The following PLXDC2 variants were observed in gnomAD, a reference collection of about 807,000 sequenced individuals.
PLXDC2 encodes plexin domain containing 2.
Under a neutral mutation model 68.9 loss-of-function variants are expected in PLXDC2, and 40 were observed. The observed-to-expected ratio is 0.58, with a 90% CI of 0.45 to 0.76. PLXDC2 has a LOEUF of 0.76. Ranked by LOEUF, PLXDC2 falls within the 30% of genes least tolerant of loss-of-function variation. The probability of loss-of-function intolerance (pLI) is 0.00; values close to 1 mark genes in which losing one functional copy is unlikely to be tolerated. For synonymous variants in PLXDC2, 243 were observed against 234.2 expected, an observed-to-expected ratio of 1.04 and a Z score of -0.34; for missense variants, 644 against 661.9, an observed-to-expected ratio of 0.97 and a Z score of 0.30.
chr10:19,982,800 A>G (rs1834574791), intron 1 of PLXDC2, among the ~76,000 whole-genome samples: 1 of 152,168 alleles, frequency 6.6e-6, no homozygotes, highest in Non-Finnish European at 1.5e-5. Flanking sequence ...GAAATAAACT[A>G]AATAACCTTC....
At chr10:20,130,580 C>T (rs1022670541) in intron 4 of PLXDC2, among the ~76,000 whole-genome samples, 4 of 151,952 alleles carry the variant, frequency 2.6e-5, no homozygotes, top group Middle Eastern at 3.4e-3. Context: ...TTACTAATCC[C>T]GAGAAGCTTT....
intron 1 of PLXDC2, among the ~76,000 whole-genome samples, chr10:20,000,044 C>T (rs187233453): frequency 2.0e-5 from 3 of 152,124 alleles, no homozygotes; most frequent in Non-Finnish European, 2.9e-5. Context: ...TTGCCTGGTC[C>T]GATGATGCTT....
At chr10:20,020,086 A>C (rs181185305) in intron 2 of PLXDC2, among the ~76,000 whole-genome samples, 1 of 149,858 alleles carries the variant, frequency 6.7e-6, no homozygotes, top group Non-Finnish European at 1.5e-5. Context: ...GTCAGAGCTC[A>C]CTAGAGCCTT....
At chr10:20,065,261 C>A (rs1052969154) in intron 3 of PLXDC2, among the ~76,000 whole-genome samples, 1 of 152,134 alleles carries the variant, frequency 6.6e-6, no homozygotes, top group Admixed American at 6.5e-5. Flanking sequence ...AAGTTGTTGC[C>A]TATGGCTGGC....
At chr10:20,048,612 G>A (rs1003519798) in intron 3 of PLXDC2, among the ~76,000 whole-genome samples, 2 of 152,112 alleles carry the variant, frequency 1.3e-5, no homozygotes, top group African/African-American at 2.4e-5. Flanking sequence ...GTATGCACAT[G>A]GAGATTCTGT....
chr10:20,034,698 G>A (rs536305677), intron 2 of PLXDC2, among the ~76,000 whole-genome samples: 1 of 152,276 alleles, frequency 6.6e-6, no homozygotes, highest in South Asian at 2.1e-4. Flanking sequence ...TTATAATCAT[G>A]TGATACATAC....
Position 20,245,510 on chromosome 10 carries a change from G to A in PLXDC2, c.1473+5G>A, listed in dbSNP as rs1299594666. ...GCCAGCATCTTCTTTATTGAGGTAAGTGTTGAGTTTAACACATGAAAACCA... is the reference window on the plus strand; with the variant it reads ...GCCAGCATCTTCTTTATTGAGGTAAATGTTGAGTTTAACACATGAAAACCA... On this transcript the variant is annotated splice_donor_5th_base_variant and intron_variant, in intron 13 of 13. Coordinates refer to ENST00000377252, the MANE Select transcript of PLXDC2 (RefSeq NM_032812.9). The A allele has an allele frequency of 3.1e-6, 5 of 1,609,730 alleles. No individual in the cohort carries two copies. The South Asian group carries it at 5.5e-5, about 18-fold the overall frequency.
At chr10:20,079,094 C>A (rs554756707) in intron 4 of PLXDC2, among the ~76,000 whole-genome samples, 6 of 151,994 alleles carry the variant, frequency 3.9e-5, no homozygotes, top group Admixed American at 2.0e-4. Context: ...CATTTAAACA[C>A]CCTCACTTAA....
intron 13 of PLXDC2, among the ~76,000 whole-genome samples, chr10:20,272,358 A>G (rs976261080): frequency 6.6e-6 from 1 of 152,098 alleles, no homozygotes; most frequent in African/African-American, 2.4e-5. Flanking sequence ...GACCAGGAGG[A>G]CAGAGTTTAC....
chr10:20,204,951 A>C (rs889409790), intron 9 of PLXDC2, among the ~76,000 whole-genome samples: 3 of 152,192 alleles, frequency 2.0e-5, no homozygotes, highest in African/African-American at 7.2e-5. Context: ...CGCTGGTGGA[A>C]TGAAACATGT....
chr10:19,839,837 A>G (rs1451802709), intron 1 of PLXDC2, among the ~76,000 whole-genome samples: 1 of 152,184 alleles, frequency 6.6e-6, no homozygotes, highest in Non-Finnish European at 1.5e-5. Flanking sequence ...TTAAGGTTAC[A>G]TATGTATTAA....
In PLXDC2 at chr10:20,068,215, C is replaced by G; in HGVS notation, c.517C>G (p.Arg173Gly). 2 of 1,613,064 alleles carry G rather than the reference C, an allele frequency of 1.2e-6. No homozygotes were observed. The highest frequency in any genetic ancestry group is 1.7e-6 in the Non-Finnish European group (2 of 1,179,450). ...TTTTCCATTTTATGGCCACTTCCTA[C>G]GTGAAATCACTGTGGCAACCGGGGG... ...FDFPFYGHFL[R>G]EITVATGGFI... is the part of the protein sequence containing the mutation. Residue 173 changes from arginine (R) to glycine (G), a missense_variant, in exon 4 of 14, where the codon CGT becomes GGT. Coordinates refer to ENST00000377252, the MANE Select transcript of PLXDC2 (RefSeq NM_032812.9).
intron 1 of PLXDC2, among the ~76,000 whole-genome samples, chr10:19,905,813 T>C (rs1488953175): frequency 6.6e-6 from 1 of 152,212 alleles, no homozygotes; most frequent in East Asian, 1.9e-4. Context: ...AGGGCATCTC[T>C]GCAAAATACC....
Position 19,923,881 on chromosome 10 carries a change from T to C in PLXDC2, c.113-77894T>C, listed in dbSNP as rs78027897. Among the ~76,000 whole-genome samples, 633 of 152,262 alleles carry C rather than the reference T, an allele frequency of 4.2e-3. 2 individuals are homozygous for C. The highest frequency in any genetic ancestry group is 0.015 in the African/African-American group (603 of 41,552). ...GAGTTCAAGACCAGCTTGGGCATCA[T>C]AGCGAGACCCTGTGGCTACAAAAAA... On this transcript the variant is annotated intron_variant, in intron 1 of 13. Transcript: ENST00000377252.
chr10:20,119,718 G>C (rs1477518132), intron 4 of PLXDC2, among the ~76,000 whole-genome samples: 3 of 152,046 alleles, frequency 2.0e-5, no homozygotes, highest in South Asian at 2.1e-4. Context: ...TCTCAGGGCT[G>C]CTTCGAGCGG....
Position 19,926,928 on chromosome 10 carries a change from A to G in PLXDC2, c.113-74847A>G, listed in dbSNP as rs61843666. ...GCTCCTAACCTAGGAGTTTTCCTCA[A>G]TGTGAATCATGATTGTTGTCCTAAG... On this transcript the variant is annotated intron_variant, in intron 1 of 13. Transcript: ENST00000377252. Among the ~76,000 whole-genome samples the G allele has an allele frequency of 9.5e-3, 1,442 of 152,258 alleles. 8 individuals carry two copies. Among genetic ancestry groups the G allele is most frequent in the Middle Eastern group, 0.02 (6 of 294 alleles).
At chr10:20,002,344 C>G (rs190276053) in intron 2 of PLXDC2, among the ~76,000 whole-genome samples, 1 of 151,866 alleles carries the variant, frequency 6.6e-6, no homozygotes, top group East Asian at 1.9e-4. Flanking sequence ...ACTGCAACCT[C>G]TGCTTCCTGG....
chr10:19,887,538 CAAACAAA>C (rs1837870793), intron 1 of PLXDC2, among the ~76,000 whole-genome samples: 1 of 151,760 alleles, frequency 6.6e-6, no homozygotes, highest in Non-Finnish European at 1.5e-5. Context: ...AAAAACAAAA[CAAACAAA>C]AAACAAAAAA....
At chr10:20,076,509 T>C (rs951524120) in intron 4 of PLXDC2, among the ~76,000 whole-genome samples, 2 of 152,238 alleles carry the variant, frequency 1.3e-5, no homozygotes, top group African/African-American at 2.4e-5. Context: ...ACCTGTTTCA[T>C]AGAAAATGCT....
Sources: allele counts gnomAD v4.1 joint callset (sites outside exome capture counted in the v4.1 genomes callset), GRCh38; gene constraint gnomAD v4.1.1; transcripts MANE v1.5; gene names NCBI Gene and HGNC (gene_info 2026-07-23, HGNC 2026-07-21).